Variants in USP6 observed in about 807,000 individuals in gnomAD.
The protein encoded by USP6 is ubiquitin specific peptidase 6.
A neutral mutation model predicts 175.7 loss-of-function variants in USP6; 128 were observed. The ratio of observed to expected loss-of-function variants is 0.73; its 90% CI spans 0.63 to 0.84. The LOEUF is 0.84. USP6 is among the 40% of genes least tolerant of loss of function. The pLI is 0.00. For synonymous variants in USP6, 562 were observed against 630.6 expected (o/e 0.89, Z 1.63); for missense variants, 1,498 against 1,760.3 (o/e 0.85, Z 2.67).
In USP6 at chr17:5,174,010, C is replaced by T. The variant is rs946954920; in HGVS notation, c.*1032C>T. ...AGGGCTATAAATTACAAACAAAACA[C>T]ATCCCAGACATTAGGAGTTCATAAG... is the stretch of plus-strand genomic sequence containing the variant. On this transcript the variant is annotated 3_prime_UTR_variant, in exon 38 of 38. Coordinates refer to ENST00000574788, the MANE Select transcript of USP6 (RefSeq NM_001304284.2). 2 of 214,090 alleles carry T rather than the reference C, an allele frequency of 9.3e-6. No individual in the cohort carries two copies. The highest frequency in any genetic ancestry group is 4.5e-5 in the African/African-American group (2 of 44,300). The allele number at this position is 214,090 out of a possible 1,614,324, so 13.3% of individuals were successfully genotyped here.
At chr17:5,130,837 G>A (rs1195130386) in intron 11 of USP6, among the ~76,000 whole-genome samples, 153 bp downstream of exon 11, 1 of 152,178 alleles carries the variant, frequency 6.6e-6, no homozygotes, top group Non-Finnish European at 1.5e-5. Context: ...TGGCTCCCCT[G>A]CAGGTCCAGC....
chr17:5,136,503 C>T (rs1412033744), intron 17 of USP6, 137 bp from the exon 18 acceptor site: 22 of 1,179,322 alleles, frequency 1.9e-5, no homozygotes, highest in East Asian at 9.4e-5. Flanking sequence ...GGGCAAAGGC[C>T]GCATGGTAGG....
chr17:5,155,876 A>G (rs1406299402), intron 31 of USP6, among the ~76,000 whole-genome samples: 1 of 152,206 alleles, frequency 6.6e-6, no homozygotes, highest in African/African-American at 2.4e-5. Context: ...CTAGTGTCTA[A>G]TAATCCTTCC....
At position 5,125,771 on chromosome 17, in the gene USP6, T is replaced by TTTTTTTG. The variant is rs1567772355; in HGVS notation, c.-591-36_-591-30dup. The stretch of plus-strand genomic sequence containing the variant: ...GTGGCCTGGGAGGGAATGCGTGGGT[T>TTTTTTTG]TTTTTTGTTTTTTGTTTTTTTGAGA... On this transcript the variant is annotated intron_variant, in intron 5 of 37. Transcript: ENST00000574788. 6 of 151,952 alleles carry TTTTTTTG rather than the reference T, an allele frequency of 3.9e-5. No homozygotes were observed. In the South Asian group the frequency reaches 6.3e-4, roughly 16 times the overall value. 9.4% of individuals were successfully genotyped at this position (151,952 alleles called of 1,614,324 possible). A position where few individuals can be genotyped will look rare whatever the true frequency, so the allele number is the denominator to read the frequency against.
In USP6 at chr17:5,120,746, G is replaced by A. The variant is rs143242964; in HGVS notation, c.-1717G>A. 1.8e-5 allele frequency: 8 copies of A among 440,016 alleles called. No homozygotes were observed. Among genetic ancestry groups the A allele is most frequent in the Admixed American group, 1.4e-4 (6 of 41,808 alleles). 27.3% of individuals were successfully genotyped at this position (440,016 alleles called of 1,614,324 possible). A position where few individuals can be genotyped will look rare whatever the true frequency, so the allele number is the denominator to read the frequency against. On this transcript the variant is annotated 5_prime_UTR_variant, in exon 3 of 38. An upstream open reading frame in the 5' UTR gains an earlier in-frame stop. Coordinates refer to ENST00000574788, the MANE Select transcript of USP6 (RefSeq NM_001304284.2). ...TGCATGACCAGGACAAGAAATTGGT[G>A]GAGAAGAGCTACAAGGATGCCAAGG...
Position 5,132,480 on chromosome 17 carries a change from C to G in USP6, c.195+45C>G, listed in dbSNP as rs1356523556. 1.9e-6 allele frequency: 3 copies of G among 1,612,008 alleles called. No homozygotes were observed. The stretch of plus-strand genomic sequence containing the variant: ...AGGGGCTGGTCCAGGGACGTAGGGA[C>G]TGGGCGGGTGGTCAGTGAGGCAGAG... On this transcript the variant is annotated intron_variant, in intron 12 of 37. Coordinates refer to ENST00000574788, the MANE Select transcript of USP6 (RefSeq NM_001304284.2). The surrounding 1 kb of genome is among the most constrained non-coding windows in gnomAD (Gnocchi z 4.7).
intron 32 of USP6, among the ~76,000 whole-genome samples, chr17:5,162,154 T>C (rs1325670153): frequency 6.6e-6 from 1 of 152,136 alleles, no homozygotes; most frequent in South Asian, 2.1e-4. Context: ...TCTCCTTTTT[T>C]GTTTTGTTTT....
In USP6 at chr17:5,170,350, G is replaced by A. The variant is rs373815483; in HGVS notation, c.3518-129G>A. On this transcript the variant is annotated intron_variant, in intron 35 of 37. Coordinates refer to ENST00000574788, the MANE Select transcript of USP6 (RefSeq NM_001304284.2). Reference sequence around the variant, plus strand: ...GCTACACAATAGGAACCAAAGGGTAGCCAGTCATGACTCCCCTGTCTTTAC... The same window carrying A: ...GCTACACAATAGGAACCAAAGGGTAACCAGTCATGACTCCCCTGTCTTTAC... The A allele has an allele frequency of 7.2e-6, 10 of 1,384,546 alleles. No homozygotes were observed. The African/African-American group carries it at 1.2e-4, about 16-fold the overall frequency. The allele number at this position is 1,384,546 out of a possible 1,614,324, so 85.8% of individuals were successfully genotyped here.
At chr17:5,137,268 C>T (rs964201845) in intron 19 of USP6, 82 bp downstream of exon 19, 34 of 1,545,686 alleles carry the variant, frequency 2.2e-5, no homozygotes, top group African/African-American at 4.1e-5. Context: ...GGGTCTGGCT[C>T]ACTCCCAGCC....
chr17:5,150,353 A>G (rs1167507230), intron 30 of USP6, among the ~76,000 whole-genome samples: 1 of 149,808 alleles, frequency 6.7e-6, no homozygotes, highest in African/African-American at 2.4e-5. Flanking sequence ...AGTAAAGGAA[A>G]TTAGGGCTTC....
In USP6 at chr17:5,174,787, A is replaced by C. The variant is rs2074290641; in HGVS notation, c.*1809A>C. ...ATTTATTAAATTAACTATTAACTAC[A>C]TTCACCTTGTAAATTACTGTATAAA... On this transcript the variant is annotated 3_prime_UTR_variant, in exon 38 of 38. Transcript: ENST00000574788. The C allele has an allele frequency of 5.0e-6, 1 of 199,328 alleles. No homozygotes were observed. Among genetic ancestry groups the C allele is most frequent in the Non-Finnish European group, 1.0e-5 (1 of 96,256 alleles). The allele number at this position is 199,328 out of a possible 1,614,324, so 12.3% of individuals were successfully genotyped here. A position where few individuals can be genotyped will look rare whatever the true frequency, so the allele number is the denominator to read the frequency against.
In USP6 at chr17:5,117,827, G is replaced by T. The variant is rs1378095120; in HGVS notation, c.-1927-373G>T. 2.0e-5 allele frequency among the ~76,000 whole-genome samples: 3 copies of T among 152,078 alleles called. No individual in the cohort carries two copies. The East Asian group carries it at 5.8e-4, about 29-fold the overall frequency. Reference sequence around the variant, plus strand: ...AAGACAAGTGAGGCCGGGTGGGGTGGCTCACACCTGTAATCCCAGGACTTT... The same window carrying T: ...AAGACAAGTGAGGCCGGGTGGGGTGTCTCACACCTGTAATCCCAGGACTTT... On this transcript the variant is annotated intron_variant, in intron 1 of 37. Coordinates refer to ENST00000574788, the MANE Select transcript of USP6 (RefSeq NM_001304284.2).
At chr17:5,148,212 G>A (rs956153683) in intron 29 of USP6, among the ~76,000 whole-genome samples, 12 of 112,772 alleles carry the variant, frequency 1.1e-4, no homozygotes, top group Middle Eastern at 4.5e-3. Flanking sequence ...CTGGGTAGAG[G>A]TTACTGTATT....
chr17:5,158,735 A>G (rs977142166), intron 31 of USP6, among the ~76,000 whole-genome samples: 21 of 151,396 alleles, frequency 1.4e-4, no homozygotes, highest in Non-Finnish European at 2.9e-5. Context: ...AAGTACTTCA[A>G]GAAAGGAGTG....
intron 30 of USP6, among the ~76,000 whole-genome samples, chr17:5,151,430 C>CGTGTGT (rs1567801858): frequency 2.1e-5 from 2 of 96,776 alleles, no homozygotes; most frequent in African/African-American, 9.7e-5. Context: ...GCAAAGTCTG[C>CGTGTGT]ATGTGTGTGT....
intron 23 of USP6, 93 bp from the exon 24 acceptor site, chr17:5,141,910 G>C: frequency 6.6e-7 from 1 of 1,508,270 alleles, no homozygotes; most frequent in Non-Finnish European, 8.8e-7. Flanking sequence ...GATTATGAGA[G>C]TTATAAAAAA....
intron 20 of USP6, 52 bp downstream of exon 20, chr17:5,137,802 G>T: frequency 6.3e-7 from 1 of 1,599,818 alleles, no homozygotes. Context: ...GTCAGACCCC[G>T]ACTGGCCCAA....
At position 5,147,092 on chromosome 17, in the gene USP6, C is replaced by G. The variant is rs779460516; in HGVS notation, c.2329C>G (p.Gln777Glu). 8 of 1,612,292 alleles carry G rather than the reference C, an allele frequency of 5.0e-6. No homozygotes were observed. In the Admixed American group the frequency reaches 1.3e-4, roughly 27 times the overall value. Residue 777 changes from glutamine (Q) to glutamate (E), a missense_variant, in exon 29 of 38, where the codon CAG (glutamine) becomes GAG (glutamate). Gln to Glu is a conservative substitution (Grantham distance 29). Around this residue, in one of 2 missense-constraint regions of USP6, gnomAD observed 1,217 missense variants for 1,500.8 expected, o/e 0.81. Coordinates refer to ENST00000574788, the MANE Select transcript of USP6 (RefSeq NM_001304284.2). Reference protein sequence around the residue: ...VHDSNIKNFPQDNQKVQLSVS... With the variant: ...VHDSNIKNFPEDNQKVQLSVS... ...GCTGCTGTTTCTGTAGAACTTTCCT[C>G]AGGATAACCAAAAAGTACAACTCTC...
At chr17:5,155,677 T>C in intron 31 of USP6, 71 bp downstream of exon 31, 3 of 1,486,094 alleles carry the variant, frequency 2.0e-6, no homozygotes, top group Non-Finnish European at 9.0e-7. Flanking sequence ...GAATTCTACA[T>C]GACAGATAGG....
Sources: gnomAD v4.1 joint callset for allele counts (sites outside exome capture counted in the v4.1 genomes callset) on GRCh38, gnomAD v4.1.1 for gene constraint, gnomAD v4.1.1 regional missense constraint, Gnocchi (gnomAD v3.1) non-coding constraint, MANE v1.5 for transcripts, NCBI Gene and HGNC (gene_info 2026-07-23, HGNC 2026-07-21) for gene names.